Variants in RASGEF1C observed in about 807,000 individuals in gnomAD.
RASGEF1C encodes ras-GEF domain-containing family member 1C.
In RASGEF1C, 27 loss-of-function variants were observed where a neutral mutation model predicts 58.1. That is an observed-to-expected ratio of 0.46 (90% CI 0.34 to 0.64). The LOEUF is 0.64. Among genes scored for constraint, RASGEF1C ranks in the 30% least tolerant of loss-of-function variants. RASGEF1C has a pLI of 0.01. For missense variants in RASGEF1C, 502 were observed against 605.1 expected (o/e 0.83, Z 1.79); for synonymous variants, 243 against 246.3 (o/e 0.99, Z 0.13).
In RASGEF1C at chr5:180,137,908, G is replaced by A. The variant is rs776980032; in HGVS notation, c.145C>T (p.His49Tyr). ...SSASLETLIQ[H>Y]LVPTADYYPE... is the part of the protein sequence containing the mutation. ...TAGTAGTCGGCTGTGGGCACCAGGT[G>A]CTGGATCAGTGTTTCCAGGGAGGCT... is the stretch of plus-strand genomic sequence containing the variant. The change falls in exon 2 of 14, where the codon CAC (histidine) becomes TAC (tyrosine). Residue 49 changes from histidine to tyrosine, a missense_variant. By Grantham distance (83) the His-to-Tyr change is moderately conservative. Transcript: ENST00000361132. This position sits in a 1 kb window ranked among gnomAD's most constrained non-coding sequence, Gnocchi z 4.1. 1.7e-5 allele frequency: 27 copies of A among 1,613,268 alleles called. No homozygotes were observed. The South Asian group carries it at 2.9e-4, about 17-fold the overall frequency.
chr5:180,101,238 C>G lies in RASGEF1C; in HGVS notation c.*263G>C. On this transcript the variant is annotated 3_prime_UTR_variant, in exon 14 of 14. Transcript: ENST00000361132. Reference sequence around the variant, plus strand: ...GGATGGACAGACTGACCAGGCCCCACGGTCCTGAAGGCAGGATGTCCCCAA... The same window carrying G: ...GGATGGACAGACTGACCAGGCCCCAGGGTCCTGAAGGCAGGATGTCCCCAA... 1.9e-6 allele frequency: 1 copy of G among 539,992 alleles called. No homozygotes were observed. The highest frequency in any genetic ancestry group is 3.1e-5 in the Admixed American group (1 of 32,428). The allele number at this position is 539,992 out of a possible 1,614,324, so 33.5% of individuals were successfully genotyped here. A position where few individuals can be genotyped will look rare whatever the true frequency, so the allele number is the denominator to read the frequency against.
intron 6 of RASGEF1C, among the ~76,000 whole-genome samples, chr5:180,121,755 G>A (rs934366511): frequency 2.6e-5 from 4 of 151,548 alleles, no homozygotes; most frequent in African/African-American, 9.7e-5. Context: ...CCAAAAACTT[G>A]TGTCACTTTC....
chr5:180,119,016 C>A, intron 8 of RASGEF1C, 150 bp from the exon 9 acceptor site: 1 of 722,022 alleles, frequency 1.4e-6, no homozygotes, highest in Non-Finnish European at 2.4e-6. Flanking sequence ...TGCTGGTGGA[C>A]ATCATGGTCA....
At chr5:180,110,171 G>A (rs1188406678) in intron 12 of RASGEF1C, among the ~76,000 whole-genome samples, 4 of 152,118 alleles carry the variant, frequency 2.6e-5, no homozygotes, top group Non-Finnish European at 1.5e-5. Flanking sequence ...CTGCAGGAGA[G>A]GCTTAGAGAC....
At chr5:180,205,705 CATTATTATAATATT>C (rs1197683550) in intron 1 of RASGEF1C, among the ~76,000 whole-genome samples, 1 of 111,486 alleles carries the variant, frequency 9.0e-6, no homozygotes, top group African/African-American at 3.1e-5. Context: ...TCCTCTTTGC[CATTATTATAATATT>C]ATTATTATTA....
At chr5:180,128,357 CTG>C in intron 5 of RASGEF1C, 51 bp downstream of exon 5, 3 of 1,505,830 alleles carry the variant, frequency 2.0e-6, no homozygotes, top group Non-Finnish European at 2.8e-6. Flanking sequence ...CACAGTGTAT[CTG>C]TGTGTGTCCT....
chr5:180,136,811 T>G, intron 3 of RASGEF1C: 5 of 415,478 alleles, frequency 1.2e-5, no homozygotes, highest in South Asian at 3.1e-5. Context: ...CAGGGGACCC[T>G]GCCCCAGGGG....
intron 4 of RASGEF1C, among the ~76,000 whole-genome samples, chr5:180,135,529 C>T (rs1361604824): frequency 1.3e-5 from 2 of 152,198 alleles, no homozygotes; most frequent in African/African-American, 4.8e-5. Flanking sequence ...CACAGTGGCG[C>T]CCTGGGATGC....
At chr5:180,174,762 G>A (rs540648446) in intron 1 of RASGEF1C, among the ~76,000 whole-genome samples, 13 of 152,268 alleles carry the variant, frequency 8.5e-5, no homozygotes, top group South Asian at 2.1e-4. Context: ...CGCACAGATC[G>A]CACACACGAT....
chr5:180,160,343 A>C (rs1046965894), intron 1 of RASGEF1C, among the ~76,000 whole-genome samples: 3 of 152,128 alleles, frequency 2.0e-5, no homozygotes, highest in South Asian at 2.1e-4. Flanking sequence ...CAGACTGGAC[A>C]CCCTCTGCTC....
At chr5:180,138,470 A>C in intron 1 of RASGEF1C, 1 of 159,106 alleles carries the variant, frequency 6.3e-6, no homozygotes. Flanking sequence ...CTCAGCTGCA[A>C]TCCCAGAACT....
At chr5:180,138,098 C>T in intron 1 of RASGEF1C, 40 bp from the exon 2 acceptor site, 2 of 1,289,134 alleles carry the variant, frequency 1.6e-6, no homozygotes, top group Non-Finnish European at 1.0e-6. Flanking sequence ...AGTGGGGGCA[C>T]ACCTGAGTTG....
At chr5:180,149,288 A>T (rs1353231001) in intron 1 of RASGEF1C, among the ~76,000 whole-genome samples, 2 of 150,814 alleles carry the variant, frequency 1.3e-5, no homozygotes, top group African/African-American at 4.9e-5. Flanking sequence ...GAGTTTCACC[A>T]TGTTGGCCAG....
chr5:180,191,350 G>C (rs972410084), intron 1 of RASGEF1C, among the ~76,000 whole-genome samples: 1 of 133,678 alleles, frequency 7.5e-6, no homozygotes, highest in African/African-American at 2.6e-5. Context: ...GTTCACAGTA[G>C]CTTTATTTAC....
intron 1 of RASGEF1C, among the ~76,000 whole-genome samples, chr5:180,157,800 A>T (rs1034035601): frequency 2.0e-5 from 3 of 152,222 alleles, no homozygotes; most frequent in Admixed American, 2.0e-4. Context: ...AATGGTTTCC[A>T]GGTTTAGTGG....
In RASGEF1C at chr5:180,173,750, TA is replaced by T. The variant is rs574379615; in HGVS notation, c.-7+35277del. 7.2e-5 allele frequency among the ~76,000 whole-genome samples: 11 copies of T among 152,024 alleles called. No homozygotes were observed. The East Asian group carries it at 1.7e-3, about 24-fold the overall frequency. On this transcript the variant is annotated intron_variant, in intron 1 of 13. Transcript: ENST00000361132. ...CAACATGGTGAAACCCCGTCTCTACTAAAAATACAGAAATTAGCTGGGCGTG... is the reference window on the plus strand; with the variant it reads ...CAACATGGTGAAACCCCGTCTCTACTAAAATACAGAAATTAGCTGGGCGTG...
chr5:180,203,985 T>C (rs2127564761), intron 1 of RASGEF1C, among the ~76,000 whole-genome samples: 1 of 126,046 alleles, frequency 7.9e-6, no homozygotes, highest in African/African-American at 3.0e-5. Context: ...AGAGTGAGAC[T>C]CTGTCTCAAA....
chr5:180,105,071 C>T (rs1326118240), intron 12 of RASGEF1C, among the ~76,000 whole-genome samples: 4 of 152,308 alleles, frequency 2.6e-5, no homozygotes, highest in Middle Eastern at 3.4e-3. Context: ...TCATCAGGCA[C>T]TTCTGCAGTT....
chr5:180,181,468 C>G (rs1767323613), intron 1 of RASGEF1C, among the ~76,000 whole-genome samples: 1 of 152,144 alleles, frequency 6.6e-6, no homozygotes, highest in South Asian at 2.1e-4. Flanking sequence ...GAGGAGGCCA[C>G]ACTGGAGTGG....
Sources: gnomAD v4.1 joint callset for allele counts (sites outside exome capture counted in the v4.1 genomes callset) on GRCh38, gnomAD v4.1.1 for gene constraint, Gnocchi (gnomAD v3.1) non-coding constraint, MANE v1.5 for transcripts, NCBI Gene and HGNC (gene_info 2026-07-23, HGNC 2026-07-21) for gene names.